UQCRB: variants seen among roughly 807,000 people sequenced by gnomAD.
The protein encoded by UQCRB is ubiquinol-cytochrome c reductase binding protein.
In UQCRB, 12 loss-of-function variants were observed where a neutral mutation model predicts 19.8. The ratio of observed to expected loss-of-function variants is 0.61; its 90% CI spans 0.39 to 0.98. The LOEUF (loss-of-function observed/expected upper bound fraction) is 0.98, where lower values mean the gene tolerates loss of function less well. Among genes scored for constraint, UQCRB ranks in the 50% least tolerant of loss-of-function variants. The pLI is 0.00. For missense variants in UQCRB, 142 were observed against 131.8 expected (o/e 1.08, Z -0.38); for synonymous variants, 39 against 42.9 (o/e 0.91, Z 0.35).
In UQCRB at chr8:96,230,578, T is replaced by C. The variant is rs937806038; in HGVS notation, c.*477A>G. The stretch of plus-strand genomic sequence containing the variant: ...GTATACATGTTAGCACAGGAGTATG[T>C]ATATTACTTAAGTATGCCTATGTTG... On this transcript the variant is annotated 3_prime_UTR_variant, in exon 4 of 4. Transcript: ENST00000287022. 2.2e-6 allele frequency: 1 copy of C among 454,592 alleles called. No homozygotes were observed. Among genetic ancestry groups the C allele is most frequent in the East Asian group, 6.9e-5 (1 of 14,404 alleles). 28.2% of individuals were successfully genotyped at this position (454,592 alleles called of 1,614,324 possible).
chr8:96,231,527 C>A, intron 3 of UQCRB: 2 of 1,514,434 alleles, frequency 1.3e-6, no homozygotes, highest in Non-Finnish European at 1.8e-6. Flanking sequence ...TGGGAGGCAA[C>A]AGACCTGGAT....
chr8:96,228,301 C>T lies in UQCRB; in HGVS notation c.*2754G>A. The T allele has an allele frequency of 2.2e-6, 1 of 454,072 alleles. No individual in the cohort carries two copies. The highest frequency in any genetic ancestry group is 4.4e-6 in the Non-Finnish European group (1 of 226,772). 28.1% of individuals were successfully genotyped at this position (454,072 alleles called of 1,614,324 possible). On this transcript the variant is annotated 3_prime_UTR_variant, in exon 4 of 4. Transcript: ENST00000287022. Reference sequence around the variant, plus strand: ...TTTTAAACTGTACAAAGCAAATTAGCAGGATTTGAATATTGGCAGTTTTAA... The same window carrying T: ...TTTTAAACTGTACAAAGCAAATTAGTAGGATTTGAATATTGGCAGTTTTAA...
rs1221159947 is a variant in UQCRB, at chr8:96,229,149, A to G, written c.*1906T>C. ...ACACTTGTTCTCATTTAGAAGAATGAAGTAATCTGGAAACATAGAATAGGC... is the reference window on the plus strand; with the variant it reads ...ACACTTGTTCTCATTTAGAAGAATGGAGTAATCTGGAAACATAGAATAGGC... On this transcript the variant is annotated 3_prime_UTR_variant, in exon 4 of 4. Transcript: ENST00000287022. 1 of 454,016 alleles carries G rather than the reference A, an allele frequency of 2.2e-6. No homozygotes were observed. Among genetic ancestry groups the G allele is most frequent in the Non-Finnish European group, 4.4e-6 (1 of 226,794 alleles). The allele number at this position is 454,016 out of a possible 1,614,324, so 28.1% of individuals were successfully genotyped here. A position where few individuals can be genotyped will look rare whatever the true frequency, so the allele number is the denominator to read the frequency against.
rs749174411 is a variant in UQCRB, at chr8:96,233,194, C to T, written c.53G>A (p.Arg18Gln). The T allele has an allele frequency of 1.5e-5, 24 of 1,613,378 alleles. No individual in the cohort carries two copies. Among genetic ancestry groups the T allele is most frequent in the African/African-American group, 4.0e-5 (3 of 74,858 alleles). Residue 18 changes from arginine to glutamine, a missense_variant, in exon 2 of 4, where the codon CGA becomes CAA. This residue lies in a region of UQCRB where 132 missense variants were observed against 107.5 expected (regional missense o/e 1.23). Coordinates refer to ENST00000287022, the MANE Select transcript of UQCRB (RefSeq NM_006294.5). The stretch of plus-strand genomic sequence containing the variant: ...TCCTGCAGCATTGTAATACCATTTT[C>T]GAATACCATCCAGCCACTTGCCTGA... ...SASGKWLDGI[R>Q]KWYYNAAGFN...
chr8:96,231,675 C>T, intron 3 of UQCRB, 99 bp downstream of exon 3: 1 of 1,535,850 alleles, frequency 6.5e-7, no homozygotes. Context: ...TTTGACATGA[C>T]TCAGAGAACT....
chr8:96,232,262 T>A, intron 2 of UQCRB: 1 of 296,972 alleles, frequency 3.4e-6, no homozygotes, highest in Non-Finnish European at 6.4e-6. Flanking sequence ...CAAAATATTT[T>A]AAATGTTTAC....
At position 96,228,077 on chromosome 8, in the gene UQCRB, C is replaced by T. The variant is rs1163397361; in HGVS notation, c.*2978G>A. On this transcript the variant is annotated 3_prime_UTR_variant, in exon 4 of 4. Coordinates refer to ENST00000287022, the MANE Select transcript of UQCRB (RefSeq NM_006294.5). The stretch of plus-strand genomic sequence containing the variant: ...TACGCTGCTTCCTACATCTTGACAA[C>T]AGGAAGGCCAAGTGATACTAGGTAG... The T allele has an allele frequency of 2.2e-6, 1 of 453,974 alleles. No homozygotes were observed. The highest frequency in any genetic ancestry group is 4.4e-6 in the Non-Finnish European group (1 of 226,800). 28.1% of individuals were successfully genotyped at this position (453,974 alleles called of 1,614,324 possible).
chr8:96,231,331 T>C, intron 3 of UQCRB, 199 bp from the exon 4 acceptor site: 1 of 1,549,110 alleles, frequency 6.5e-7, no homozygotes, highest in Non-Finnish European at 8.7e-7. Context: ...TGATAGGTTA[T>C]GAGGGGGAAG....
In UQCRB at chr8:96,228,265, G is replaced by A. The variant is rs934053291; in HGVS notation, c.*2790C>T. 2.6e-5 allele frequency: 12 copies of A among 454,068 alleles called. No homozygotes were observed. Among genetic ancestry groups the A allele is most frequent in the South Asian group, 3.1e-5 (2 of 64,472 alleles). 28.1% of individuals were successfully genotyped at this position (454,068 alleles called of 1,614,324 possible). A position where few individuals can be genotyped will look rare whatever the true frequency, so the allele number is the denominator to read the frequency against. On this transcript the variant is annotated 3_prime_UTR_variant, in exon 4 of 4. Coordinates refer to ENST00000287022, the MANE Select transcript of UQCRB (RefSeq NM_006294.5). ...CAATCTCAAACTTTAAACAACAAAA[G>A]ATATCAAACATTTTAAACTGTACAA...
intron 3 of UQCRB, 161 bp downstream of exon 3, chr8:96,231,613 G>A (rs1220122693): frequency 1.1e-5 from 15 of 1,328,064 alleles, no homozygotes; most frequent in Non-Finnish European, 1.6e-5. Context: ...GACTCAATGT[G>A]GTTTTCTTCT....
In UQCRB at chr8:96,226,775, T is replaced by C. The variant is rs1257994043; in HGVS notation, c.*4280A>G. ...TTCAAACAAAAAGTTCAATAAATAA[T>C]ACACTCTTTCTTTGTAGGAGATATA... On this transcript the variant is annotated 3_prime_UTR_variant, in exon 4 of 4. Coordinates refer to ENST00000287022, the MANE Select transcript of UQCRB (RefSeq NM_006294.5). The C allele has an allele frequency of 4.7e-6, 2 of 421,166 alleles. No individual in the cohort carries two copies. Among genetic ancestry groups the C allele is most frequent in the Non-Finnish European group, 9.3e-6 (2 of 215,484 alleles). The allele number at this position is 421,166 out of a possible 1,614,324, so 26.1% of individuals were successfully genotyped here. A position where few individuals can be genotyped will look rare whatever the true frequency, so the allele number is the denominator to read the frequency against.
At position 96,234,705 on chromosome 8, in the gene UQCRB, T is replaced by C. The variant is rs911244330; in HGVS notation, c.19+807A>G. 3 of 376,382 alleles carry C rather than the reference T, an allele frequency of 8.0e-6. No individual in the cohort carries two copies. In the Admixed American group the frequency reaches 1.0e-4, roughly 13 times the overall value. 23.3% of individuals were successfully genotyped at this position (376,382 alleles called of 1,614,324 possible). A position where few individuals can be genotyped will look rare whatever the true frequency, so the allele number is the denominator to read the frequency against. On this transcript the variant is annotated intron_variant, in intron 1 of 3. Transcript: ENST00000287022. Reference sequence around the variant, plus strand: ...ATTTTTTAAGCTACTCCAACTTGGTTGCATTGCAGTGAGACGAGATTGTGC... The same window carrying C: ...ATTTTTTAAGCTACTCCAACTTGGTCGCATTGCAGTGAGACGAGATTGTGC...
At chr8:96,231,461 G>C in intron 3 of UQCRB, 1 of 1,535,170 alleles carries the variant, frequency 6.5e-7, no homozygotes, top group Non-Finnish European at 8.7e-7. Context: ...ACACTCAATG[G>C]GCTGATCTTT....
Position 96,223,608 on chromosome 8 carries a change from C to T in UQCRB, c.*7447G>A, listed in dbSNP as rs1475437291. ...TTGACAAAGAGCTTCTCTCAGTAGG[C>T]AGAATTTAATTTTTGTCTTAAAGTA... On this transcript the variant is annotated 3_prime_UTR_variant, in exon 4 of 4. Coordinates refer to ENST00000287022, the MANE Select transcript of UQCRB (RefSeq NM_006294.5). 6.6e-6 allele frequency among the ~76,000 whole-genome samples: 1 copy of T among 151,426 alleles called. No homozygotes were observed. The highest frequency in any genetic ancestry group is 1.5e-5 in the Non-Finnish European group (1 of 67,976).
chr8:96,231,465 G>T, intron 3 of UQCRB: 1 of 1,534,998 alleles, frequency 6.5e-7, no homozygotes, highest in Non-Finnish European at 8.7e-7. Context: ...TCAATGGGCT[G>T]ATCTTTTCAT....
In UQCRB at chr8:96,230,053, T is replaced by C. The variant is rs751113206; in HGVS notation, c.*1002A>G. The C allele has an allele frequency of 8.4e-5, 38 of 454,112 alleles. 1 individual carries two copies. Among genetic ancestry groups the C allele is most frequent in the Middle Eastern group, 1.4e-3 (2 of 1,444 alleles). The allele number at this position is 454,112 out of a possible 1,614,324, so 28.1% of individuals were successfully genotyped here. A position where few individuals can be genotyped will look rare whatever the true frequency, so the allele number is the denominator to read the frequency against. On this transcript the variant is annotated 3_prime_UTR_variant, in exon 4 of 4. Coordinates refer to ENST00000287022, the MANE Select transcript of UQCRB (RefSeq NM_006294.5). ...CTACCAAAGAAAGCATTTCAGAATT[T>C]AGGAGTGGAAATGATGACAACATTG...
In UQCRB at chr8:96,229,871, C is replaced by T; in HGVS notation, c.*1184G>A. 2 of 453,392 alleles carry T rather than the reference C, an allele frequency of 4.4e-6. No homozygotes were observed. The highest frequency in any genetic ancestry group is 3.1e-5 in the South Asian group (2 of 64,406). 28.1% of individuals were successfully genotyped at this position (453,392 alleles called of 1,614,324 possible). A position where few individuals can be genotyped will look rare whatever the true frequency, so the allele number is the denominator to read the frequency against. On this transcript the variant is annotated 3_prime_UTR_variant, in exon 4 of 4. Transcript: ENST00000287022. The stretch of plus-strand genomic sequence containing the variant: ...GATACACACATTTCTCATTGCTTTA[C>T]AAACTTTAAATGTAACACAAATTCG...
At chr8:96,233,442 GCTT>G in intron 1 of UQCRB, 1 of 520,282 alleles carries the variant, frequency 1.9e-6, no homozygotes, top group South Asian at 2.5e-5. Context: ...GATAAAAAGT[GCTT>G]ATTTTATTTA....
chr8:96,225,648 T>C lies in UQCRB; in HGVS notation c.*5407A>G, dbSNP rs1253391548. 6.6e-6 allele frequency among the ~76,000 whole-genome samples: 1 copy of C among 151,848 alleles called. No homozygotes were observed. Among genetic ancestry groups the C allele is most frequent in the Non-Finnish European group, 1.5e-5 (1 of 68,008 alleles). On this transcript the variant is annotated 3_prime_UTR_variant, in exon 4 of 4. Coordinates refer to ENST00000287022, the MANE Select transcript of UQCRB (RefSeq NM_006294.5). ...CTTTGAGCATTTCCTGCTCATTTTC[T>C]TCTGCTTGGAAAGCCCTTCACCATC... is the stretch of plus-strand genomic sequence containing the variant.
Sources: gnomAD v4.1 joint callset for allele counts (sites outside exome capture counted in the v4.1 genomes callset) on GRCh38, gnomAD v4.1.1 for gene constraint, gnomAD v4.1.1 regional missense constraint, MANE v1.5 for transcripts, NCBI Gene and HGNC (gene_info 2026-07-23, HGNC 2026-07-21) for gene names.